Variants in ANO4 observed in about 807,000 individuals in gnomAD.
ANO4 encodes the protein anoctamin-4.
In ANO4, 69 loss-of-function variants were observed where a neutral mutation model predicts 141.9. The observed-to-expected ratio is 0.49, with a 90% CI of 0.40 to 0.59. The LOEUF (loss-of-function observed/expected upper bound fraction) is 0.59, where lower values mean the gene tolerates loss of function less well. ANO4 is among the 20% of genes least tolerant of loss of function. The pLI is 0.00. For missense variants in ANO4, 894 were observed against 1,162.2 expected (o/e 0.77, Z 3.36); for synonymous variants, 350 against 394.3 (o/e 0.89, Z 1.33).
intron 24 of ANO4, among the ~76,000 whole-genome samples, chr12:101,115,779 T>G (rs1055975872): frequency 4.6e-5 from 7 of 152,200 alleles, no homozygotes; most frequent in Non-Finnish European, 1.0e-4. Flanking sequence ...AATGATTAAA[T>G]CTTGATTTTA....
At chr12:100,956,798 G>A (rs764494742) in intron 5 of ANO4, among the ~76,000 whole-genome samples, 3 of 152,136 alleles carry the variant, frequency 2.0e-5, no homozygotes, top group Non-Finnish European at 2.9e-5. Context: ...CCAACTGCAC[G>A]TATCTGTAGA....
upstream of ANO4, among the ~76,000 whole-genome samples, chr12:100,791,645 C>T (rs923504454): frequency 6.6e-5 from 10 of 152,178 alleles, no homozygotes; most frequent in Non-Finnish European, 1.5e-4. Context: ...CCTCTATTGT[C>T]TCATACATTT....
At chr12:100,830,985 C>T (rs1593454329) in intron 1 of ANO4, among the ~76,000 whole-genome samples, 3 of 152,164 alleles carry the variant, frequency 2.0e-5, no homozygotes, top group African/African-American at 7.2e-5. Context: ...TCCTCAGTGA[C>T]TAGCGTAAAA....
chr12:101,099,137 A>G (rs1490486458), intron 21 of ANO4, among the ~76,000 whole-genome samples: 4 of 152,150 alleles, frequency 2.6e-5, no homozygotes, highest in African/African-American at 4.8e-5. Context: ...GAGAGGAAGC[A>G]TTTTGTGGGT....
In ANO4 at chr12:101,086,797, C is replaced by T; in HGVS notation, c.1674C>T (p.Asn558=). 6.2e-7 allele frequency: 1 copy of T among 1,613,702 alleles called. No individual in the cohort carries two copies. Among genetic ancestry groups the T allele is most frequent in the African/African-American group, 1.3e-5 (1 of 75,014 alleles). The change falls in exon 17 of 28, where the codon AAC becomes AAT. Residue 558 remains asparagine (N), a synonymous_variant. Transcript: ENST00000392977. The part of the protein sequence containing the change: ...VATTGTAVCI[N]FCIIMLLNVL... ...CCACAGGGACTGCTGTGTGCATCAACTTCTGTATCATTATGTTGCTGAATG... is the reference window on the plus strand; with the variant it reads ...CCACAGGGACTGCTGTGTGCATCAATTTCTGTATCATTATGTTGCTGAATG...
At chr12:101,041,013 A>C (rs1258842830) in intron 11 of ANO4, among the ~76,000 whole-genome samples, 1 of 152,008 alleles carries the variant, frequency 6.6e-6, no homozygotes, top group East Asian at 1.9e-4. Context: ...AACTATCTAT[A>C]TCTTCCCAAC....
chr12:101,052,133 T>G (rs1299309444), intron 14 of ANO4, among the ~76,000 whole-genome samples: 4 of 152,172 alleles, frequency 2.6e-5, no homozygotes, highest in Non-Finnish European at 5.9e-5. Flanking sequence ...AAAAAAATAA[T>G]AAGGCTCCAT....
intron 14 of ANO4, among the ~76,000 whole-genome samples, chr12:101,075,552 A>G (rs1245106311): frequency 6.6e-6 from 1 of 151,604 alleles, no homozygotes; most frequent in African/African-American, 2.4e-5. Flanking sequence ...CAAAACTCTT[A>G]GGAATTTCGT....
At chr12:100,998,288 G>C (rs2045478357) in intron 8 of ANO4, among the ~76,000 whole-genome samples, 1 of 152,162 alleles carries the variant, frequency 6.6e-6, no homozygotes, top group South Asian at 2.1e-4. Flanking sequence ...TAAGTCTTGG[G>C]ACTCAGACTG....
At chr12:100,926,735 A>T (rs947585766) in intron 3 of ANO4, among the ~76,000 whole-genome samples, 1 of 151,882 alleles carries the variant, frequency 6.6e-6, no homozygotes, top group African/African-American at 2.4e-5. Context: ...GTTTCAGCAG[A>T]GTTTTGTGTT....
intron 1 of ANO4, among the ~76,000 whole-genome samples, chr12:100,815,585 A>C (rs1423866505): frequency 2.0e-5 from 3 of 152,110 alleles, no homozygotes; most frequent in African/African-American, 7.2e-5. Flanking sequence ...AAATTTGTAC[A>C]AGCCTGTTTT....
chr12:100,950,536 A>T (rs2042929943), intron 5 of ANO4, among the ~76,000 whole-genome samples: 2 of 152,150 alleles, frequency 1.3e-5, no homozygotes, highest in Admixed American at 1.3e-4. Context: ...TGAGGTGAGA[A>T]TTCTTCCTCA....
chr12:100,891,715 A>G (rs2040116046), intron 1 of ANO4, among the ~76,000 whole-genome samples: 1 of 152,224 alleles, frequency 6.6e-6, no homozygotes, highest in Admixed American at 6.5e-5. Context: ...AGCTAAATCA[A>G]TGCAATTAAT....
chr12:100,983,371 T>C (rs1323692651), intron 7 of ANO4, among the ~76,000 whole-genome samples: 1 of 152,172 alleles, frequency 6.6e-6, no homozygotes, highest in African/African-American at 2.4e-5. Flanking sequence ...ACTACACAAA[T>C]GTATTAGCTC....
At chr12:101,067,035 T>C in intron 14 of ANO4, 1 of 507,222 alleles carries the variant, frequency 2.0e-6, no homozygotes, top group Non-Finnish European at 3.5e-6. Flanking sequence ...CAGACCATGC[T>C]GGGCTTATTG....
chr12:101,087,260 A>G (rs2049543536), intron 17 of ANO4, among the ~76,000 whole-genome samples: 1 of 151,926 alleles, frequency 6.6e-6, no homozygotes, highest in Non-Finnish European at 1.5e-5. Flanking sequence ...GCTCATGCCT[A>G]TAATACCAGC....
intron 1 of ANO4, among the ~76,000 whole-genome samples, chr12:100,828,479 A>G (rs900851389): frequency 6.6e-6 from 1 of 152,052 alleles, no homozygotes; most frequent in African/African-American, 2.4e-5. Flanking sequence ...GTGTTGGAAA[A>G]AGATTTTAAG....
chr12:100,957,494 C>A (rs781503796), intron 5 of ANO4, among the ~76,000 whole-genome samples: 3 of 152,228 alleles, frequency 2.0e-5, no homozygotes, highest in Non-Finnish European at 4.4e-5. Flanking sequence ...CATATCCAAA[C>A]CATGGCCAGT....
At chr12:101,009,896 T>C (rs2046014499) in intron 8 of ANO4, among the ~76,000 whole-genome samples, 1 of 152,160 alleles carries the variant, frequency 6.6e-6, no homozygotes, top group South Asian at 2.1e-4. Flanking sequence ...CTTCCTCTTT[T>C]TTTGATAATC....
Sources: allele counts gnomAD v4.1 joint callset (sites outside exome capture counted in the v4.1 genomes callset), GRCh38; gene constraint gnomAD v4.1.1; transcripts MANE v1.5; gene names NCBI Gene and HGNC (gene_info 2026-07-23, HGNC 2026-07-21).